Variants in DNAH5 observed in about 807,000 individuals in gnomAD.
The protein encoded by DNAH5 is axonemal beta dynein heavy chain 5.
In DNAH5, 372 loss-of-function variants were observed where a neutral mutation model predicts 518.2. The ratio of observed to expected loss-of-function variants is 0.72; its 90% CI spans 0.66 to 0.78. The LOEUF is 0.78. Among genes scored for constraint, DNAH5 ranks in the 30% least tolerant of loss-of-function variants. The probability of loss-of-function intolerance (pLI) is 0.00; values close to 1 mark genes in which losing one functional copy is unlikely to be tolerated. For missense variants in DNAH5, 5,523 were observed against 5,687.0 expected (o/e 0.97, Z 0.93); for synonymous variants, 2,039 against 2,025.9 (o/e 1.01, Z -0.17).
intron 1 of DNAH5, among the ~76,000 whole-genome samples, chr5:13,999,264 T>C (rs1430749802): frequency 6.6e-6 from 1 of 152,248 alleles, no homozygotes; most frequent in Non-Finnish European, 1.5e-5. Context: ...GTATACATTA[T>C]TGCTAACTAT....
chr5:13,711,481 C>A lies in DNAH5; in HGVS notation c.13125+2924G>T, dbSNP rs137951075. 6.7e-3 allele frequency among the ~76,000 whole-genome samples: 1,018 copies of A among 152,304 alleles called. 15 individuals carry two copies. The highest frequency in any genetic ancestry group is 0.023 in the African/African-American group (947 of 41,572). ...ACAAGACAAGGATGCCCACTCTCATCACTCCTCTTCAATACAGCACTGGAA... is the reference window on the plus strand; with the variant it reads ...ACAAGACAAGGATGCCCACTCTCATAACTCCTCTTCAATACAGCACTGGAA... On this transcript the variant is annotated intron_variant, in intron 75 of 78. Coordinates refer to ENST00000265104, the MANE Select transcript of DNAH5 (RefSeq NM_001369.3).
At chr5:13,977,711 C>A (rs143543020) in intron 1 of DNAH5, among the ~76,000 whole-genome samples, 4 of 152,268 alleles carry the variant, frequency 2.6e-5, no homozygotes, top group Non-Finnish European at 5.9e-5. Context: ...TGGGTCCCAG[C>A]CCAGGATGGG....
chr5:13,751,631 C>T (rs1750246301), intron 64 of DNAH5, among the ~76,000 whole-genome samples: 1 of 152,136 alleles, frequency 6.6e-6, no homozygotes, highest in South Asian at 2.1e-4. Context: ...GTTTATTACT[C>T]ACTTGATAAG....
chr5:13,904,628 AGGCCAAGTACAGT>A (rs1302068327), intron 12 of DNAH5, among the ~76,000 whole-genome samples: 1 of 152,046 alleles, frequency 6.6e-6, no homozygotes, highest in Non-Finnish European at 1.5e-5. Context: ...AAGAAATAGT[AGGCCAAGTACAGT>A]GGCTCACACC....
chr5:13,801,406 C>T (rs1232293068), intron 47 of DNAH5, among the ~76,000 whole-genome samples: 1 of 152,200 alleles, frequency 6.6e-6, no homozygotes, highest in Non-Finnish European at 1.5e-5. Context: ...GCCAATTAAA[C>T]CTCTTTTCTT....
intron 12 of DNAH5, among the ~76,000 whole-genome samples, chr5:13,907,764 G>A (rs944878846): frequency 2.6e-4 from 40 of 151,976 alleles, no homozygotes; most frequent in Admixed American, 9.2e-4. Context: ...TCTAAATTCA[G>A]TTAAACAAAA....
At chr5:14,001,696 A>T (rs1212003082) in intron 1 of DNAH5, among the ~76,000 whole-genome samples, 13 of 144,764 alleles carry the variant, frequency 9.0e-5, no homozygotes, top group Non-Finnish European at 1.5e-4. Flanking sequence ...TTTTTTAAGG[A>T]TACTTTATAA....
At chr5:13,714,988 GGT>G (rs1744100930) in intron 74 of DNAH5, among the ~76,000 whole-genome samples, 1 of 152,104 alleles carries the variant, frequency 6.6e-6, no homozygotes, top group East Asian at 1.9e-4. Flanking sequence ...TATAACTAAT[GGT>G]TATTATGTTT....
chr5:13,746,750 A>G (rs1749394985), intron 65 of DNAH5, among the ~76,000 whole-genome samples: 1 of 152,140 alleles, frequency 6.6e-6, no homozygotes, highest in African/African-American at 2.4e-5. Flanking sequence ...GACTCTGTTA[A>G]GCAAACAGGC....
intron 36 of DNAH5, 84 bp downstream of exon 36, chr5:13,830,513 G>T: frequency 6.8e-7 from 1 of 1,476,860 alleles, no homozygotes; most frequent in Non-Finnish European, 9.4e-7. Flanking sequence ...ATTCTAAAAT[G>T]TGGCCAATTG....
At chr5:13,824,126 TGAAGTCTCATGTATGG>T in intron 39 of DNAH5, 57 bp downstream of exon 39, 1 of 1,406,122 alleles carries the variant, frequency 7.1e-7, no homozygotes, top group Non-Finnish European at 1.0e-6. Context: ...ATAAATATTT[TGAAGTCTCATGTATGG>T]GCAGTTAGTT....
At chr5:13,983,083 C>G (rs145372710) in intron 1 of DNAH5, among the ~76,000 whole-genome samples, 2 of 152,328 alleles carry the variant, frequency 1.3e-5, no homozygotes, top group African/African-American at 4.8e-5. Context: ...TCAGAACCAC[C>G]GCACAAAAGC....
At chr5:13,832,995 G>C (rs1425720486) in intron 35 of DNAH5, among the ~76,000 whole-genome samples, 3 of 152,144 alleles carry the variant, frequency 2.0e-5, no homozygotes, top group Admixed American at 6.5e-5. Flanking sequence ...CTGCTGAAAA[G>C]TTTCCTAAGA....
intron 16 of DNAH5, among the ~76,000 whole-genome samples, chr5:13,893,383 A>C (rs1773520657): frequency 6.6e-6 from 1 of 152,162 alleles, no homozygotes; most frequent in Admixed American, 6.5e-5. Flanking sequence ...AAATGAAGAG[A>C]GACTAAGTAT....
rs1313539225 is a variant in DNAH5 at position 13,916,528 on chromosome 5, T to A, written c.1090-73A>T. The stretch of plus-strand genomic sequence containing the variant: ...AAATTCTAATAGACTAACCATTCCA[T>A]CTGCATTAAAATAAAGTTTAAGAGC... On this transcript the variant is annotated intron_variant, in intron 8 of 78. Coordinates refer to ENST00000265104, the MANE Select transcript of DNAH5 (RefSeq NM_001369.3). 1.1e-5 allele frequency: 8 copies of A among 740,044 alleles called. No individual in the cohort carries two copies. In the African/African-American group the frequency reaches 1.4e-4, roughly 13 times the overall value. The allele number at this position is 740,044 out of a possible 1,614,324, so 45.8% of individuals were successfully genotyped here.
chr5:13,980,453 G>A (rs142409117), intron 1 of DNAH5, among the ~76,000 whole-genome samples: 15 of 152,032 alleles, frequency 9.9e-5, no homozygotes, highest in South Asian at 2.1e-4. Context: ...TGCCATTTCC[G>A]TCCCAAACCC....
intron 1 of DNAH5, among the ~76,000 whole-genome samples, chr5:13,958,512 G>T (rs961611098): frequency 1.3e-5 from 2 of 152,030 alleles, no homozygotes; most frequent in Non-Finnish European, 2.9e-5. Context: ...ACTGGATAAA[G>T]ATAACAGCAC....
intron 25 of DNAH5, among the ~76,000 whole-genome samples, chr5:13,867,455 C>T (rs1384853902): frequency 2.0e-5 from 3 of 152,070 alleles, no homozygotes; most frequent in Non-Finnish European, 2.9e-5. Flanking sequence ...CCTTGCTTCC[C>T]CTTTGCCTTC....
Position 13,839,525 on chromosome 5 carries a change from G to A in DNAH5, c.5713C>T (p.His1905Tyr), listed in dbSNP as rs1178864639. Residue 1905 changes from histidine to tyrosine, a missense_variant, in exon 35 of 79, where the codon CAT becomes TAT. This residue lies in a region of DNAH5 where 5,121 missense variants were observed against 5,223.3 expected (regional missense o/e 0.98). Coordinates refer to ENST00000265104, the MANE Select transcript of DNAH5 (RefSeq NM_001369.3). ...HQRDIFDDLC[H>Y]MHIKSPMDFE... The stretch of plus-strand genomic sequence containing the variant: ...TCCATGGGACTCTTGATATGCATAT[G>A]ACACTGAAATTCAAAAGGTATATGT... 8.1e-6 allele frequency: 13 copies of A among 1,612,908 alleles called. No individual in the cohort carries two copies. The highest frequency in any genetic ancestry group is 1.1e-5 in the South Asian group (1 of 91,024).
Sources: allele counts gnomAD v4.1 joint callset (sites outside exome capture counted in the v4.1 genomes callset), GRCh38; gene constraint gnomAD v4.1.1; regional missense constraint gnomAD v4.1.1; transcripts MANE v1.5; gene names NCBI Gene and HGNC (gene_info 2026-07-23, HGNC 2026-07-21).